The following TNRC6A variants were observed in gnomAD, a reference collection of about 807,000 sequenced individuals.
The protein encoded by TNRC6A is trinucleotide repeat containing adaptor 6A.
A neutral mutation model predicts 221.2 loss-of-function variants in TNRC6A; 44 were observed. The observed-to-expected ratio is 0.20, with a 90% CI of 0.16 to 0.26. The LOEUF (loss-of-function observed/expected upper bound fraction) is 0.26, where lower values mean the gene tolerates loss of function less well. Among genes scored for constraint, TNRC6A ranks in the 10% least tolerant of loss-of-function variants. TNRC6A has a pLI of 1.00. For missense variants in TNRC6A, 2,199 were observed against 2,404.4 expected (o/e 0.91, Z 1.79); for synonymous variants, 847 against 838.5 (o/e 1.01, Z -0.18).
intron 2 of TNRC6A, among the ~76,000 whole-genome samples, chr16:24,712,907 C>A (rs2056231205): frequency 7.9e-6 from 1 of 126,702 alleles, no homozygotes; most frequent in Non-Finnish European, 1.6e-5. Context: ...TTATGTGCCA[C>A]TGTGTGTGTG....
intron 2 of TNRC6A, among the ~76,000 whole-genome samples, chr16:24,720,375 C>A (rs1485895122): frequency 6.6e-6 from 1 of 151,724 alleles, no homozygotes; most frequent in Non-Finnish European, 1.5e-5. Flanking sequence ...CTGGGTGACA[C>A]AGCTAGACCT....
chr16:24,708,541 A>G (rs1220355487), intron 2 of TNRC6A, among the ~76,000 whole-genome samples: 1 of 152,052 alleles, frequency 6.6e-6, no homozygotes, highest in Non-Finnish European at 1.5e-5. Flanking sequence ...GCCCCCAGCC[A>G]TGGATGAGTT....
In TNRC6A at chr16:24,791,045, G is replaced by T; in HGVS notation, c.2403G>T (p.Gln801His). Residue 801 changes from glutamine to histidine, a missense_variant, in exon 6 of 25, where the codon CAG (glutamine) becomes CAT (histidine). Coordinates refer to ENST00000395799, the MANE Select transcript of TNRC6A (RefSeq NM_014494.4). ...GAGATTCCAAAGGCTCAAACTGCCA[G>T]GGGGGGTGGGAAGATGATTCTGCTG... ...RWGDSKGSNC[Q>H]GGWEDDSAAT... is the part of the protein sequence containing the mutation. The T allele has an allele frequency of 1.3e-6, 2 of 1,592,886 alleles. No individual in the cohort carries two copies. The highest frequency in any genetic ancestry group is 1.7e-6 in the Non-Finnish European group (2 of 1,168,856).
intron 4 of TNRC6A, among the ~76,000 whole-genome samples, chr16:24,770,814 C>T (rs990488770): frequency 2.6e-5 from 4 of 152,104 alleles, no homozygotes; most frequent in Non-Finnish European, 4.4e-5. Flanking sequence ...AGTTGCATCC[C>T]GTGTGTGCAT....
chr16:24,785,814 G>A (rs1227900976), intron 5 of TNRC6A, among the ~76,000 whole-genome samples: 1 of 152,160 alleles, frequency 6.6e-6, no homozygotes, highest in East Asian at 1.9e-4. Flanking sequence ...CTTAACGCAC[G>A]CAAATAGTGG....
intron 2 of TNRC6A, among the ~76,000 whole-genome samples, chr16:24,731,005 T>C (rs2056626881): frequency 6.6e-6 from 1 of 151,898 alleles, no homozygotes. Flanking sequence ...ACGATGTCTT[T>C]ATGGAATGGA....
intron 18 of TNRC6A, 136 bp downstream of exon 18, chr16:24,809,617 T>G: frequency 8.6e-7 from 1 of 1,161,234 alleles, no homozygotes; most frequent in Non-Finnish European, 1.1e-6. Flanking sequence ...TTAAAAAAAG[T>G]TGTTATTAAG....
At chr16:24,814,366 A>G (rs971345383) in intron 18 of TNRC6A, among the ~76,000 whole-genome samples, 3 of 142,216 alleles carry the variant, frequency 2.1e-5, no homozygotes, top group South Asian at 2.3e-4. Context: ...TCCCTTCCAA[A>G]TTTACTCCTT....
At chr16:24,638,022 T>G (rs1472790603) in intron 1 of TNRC6A, among the ~76,000 whole-genome samples, 1 of 152,006 alleles carries the variant, frequency 6.6e-6, no homozygotes, top group African/African-American at 2.4e-5. Flanking sequence ...TGACCTCAAG[T>G]GATCCACCCG....
chr16:24,622,589 A>G (rs1474903113), intron 1 of TNRC6A, among the ~76,000 whole-genome samples: 1 of 152,170 alleles, frequency 6.6e-6, no homozygotes, highest in Non-Finnish European at 1.5e-5. Flanking sequence ...GAGAGACTGC[A>G]TCTCAAAGAA....
At chr16:24,773,390 AATTT>A (rs766209350) in intron 4 of TNRC6A, among the ~76,000 whole-genome samples, 2 of 152,226 alleles carry the variant, frequency 1.3e-5, no homozygotes, top group African/African-American at 4.8e-5. Context: ...ATGCAGTTGA[AATTT>A]ATTTAAGGCA....
chr16:24,755,052 T>C (rs2057220564), intron 3 of TNRC6A, among the ~76,000 whole-genome samples: 1 of 152,192 alleles, frequency 6.6e-6, no homozygotes, highest in South Asian at 2.1e-4. Context: ...TGTGCTCTCA[T>C]AGAGGGCAGT....
At chr16:24,768,432 C>CAA (rs35193077) in intron 4 of TNRC6A, among the ~76,000 whole-genome samples, 15,499 of 88,774 alleles carry the variant, frequency 0.17, 1,471 homozygotes, top group East Asian at 0.26. Flanking sequence ...GACTCTGTCT[C>CAA]AAAAAAAAAA....
chr16:24,805,663 G>A lies in TNRC6A; in HGVS notation c.4181G>A (p.Gly1394Asp). 1 of 1,614,166 alleles carries A rather than the reference G, an allele frequency of 6.2e-7. No homozygotes were observed. Among genetic ancestry groups the A allele is most frequent in the Non-Finnish European group, 8.5e-7 (1 of 1,180,026 alleles). Reference protein sequence around the residue: ...PNNGGLNPLFGPQQVAMLNQL... With the variant: ...PNNGGLNPLFDPQQVAMLNQL... ...AACGGTGGCCTGAATCCACTCTTTGGCCCTCAACAGGTAGCCATGCTGAAC... is the reference window on the plus strand; with the variant it reads ...AACGGTGGCCTGAATCCACTCTTTGACCCTCAACAGGTAGCCATGCTGAAC... Residue 1394 changes from glycine to aspartate, a missense_variant, in exon 15 of 25, where the codon GGC (glycine) becomes GAC (aspartate). Physicochemically the swap from Gly to Asp is moderately conservative, Grantham distance 94 (BLOSUM62 -1). Transcript: ENST00000395799.
At chr16:24,756,451 C>CTA (rs2057253003) in intron 3 of TNRC6A, among the ~76,000 whole-genome samples, 1 of 152,142 alleles carries the variant, frequency 6.6e-6, no homozygotes, top group Admixed American at 6.6e-5. Flanking sequence ...CTCTTGGTTT[C>CTA]TATACTACTA....
At chr16:24,810,896 T>C (rs570680733) in intron 18 of TNRC6A, among the ~76,000 whole-genome samples, 1 of 152,244 alleles carries the variant, frequency 6.6e-6, no homozygotes, top group East Asian at 1.9e-4. Flanking sequence ...GCAGAAAAGC[T>C]TGGTAACTCA....
Position 24,780,951 on chromosome 16 carries a change from A to G in TNRC6A, c.589+3593A>G, listed in dbSNP as rs569818868. On this transcript the variant is annotated intron_variant, in intron 5 of 24. Transcript: ENST00000395799. ...ACCTCCTTGCTGTCTTGCAACTTCT[A>G]CTACTTGCTTGCAACTTGCACCTTC... is the stretch of plus-strand genomic sequence containing the variant. Among the ~76,000 whole-genome samples the G allele has an allele frequency of 2.2e-4, 33 of 149,818 alleles. No homozygotes were observed. In the South Asian group the frequency reaches 4.2e-3, roughly 19 times the overall value.
intron 5 of TNRC6A, among the ~76,000 whole-genome samples, chr16:24,788,349 G>A (rs1322111442): frequency 6.6e-6 from 1 of 152,154 alleles, no homozygotes; most frequent in African/African-American, 2.4e-5. Context: ...TGAAAATACT[G>A]TTACTTGGCT....
At chr16:24,712,884 T>G (rs7193339) in intron 2 of TNRC6A, among the ~76,000 whole-genome samples, 151,135 of 151,228 alleles carry the variant, frequency 1, 75,521 homozygotes, top group Middle Eastern at 1. Flanking sequence ...CTCTTGAGAA[T>G]TTGGGGCCAT....
Sources: gnomAD v4.1 joint callset for allele counts (sites outside exome capture counted in the v4.1 genomes callset) on GRCh38, gnomAD v4.1.1 for gene constraint, MANE v1.5 for transcripts, NCBI Gene and HGNC (gene_info 2026-07-23, HGNC 2026-07-21) for gene names.